The following LUZP2 variants were observed in gnomAD, a reference collection of about 807,000 sequenced individuals.
The protein encoded by LUZP2 is leucine zipper protein 2.
LUZP2 carries 52 observed loss-of-function variants against 51.6 expected under a neutral mutation model. The observed-to-expected ratio is 1.01, with a 90% confidence interval of 0.81 to 1.27. The LOEUF (loss-of-function observed/expected upper bound fraction) is 1.27. LUZP2 is among the 50% of genes most tolerant of loss of function. The pLI is 0.00. For missense variants in LUZP2, 436 were observed against 395.4 expected (o/e 1.10, Z -0.87); for synonymous variants, 154 against 137.3 (o/e 1.12, Z -0.85).
intron 1 of LUZP2, among the ~76,000 whole-genome samples, chr11:24,559,568 C>T (rs1851970341): frequency 6.6e-6 from 1 of 152,124 alleles, no homozygotes; most frequent in South Asian, 2.1e-4. Flanking sequence ...TTTTCCATGC[C>T]AAGTTACCTG....
At chr11:24,657,226 G>T (rs1428170513) in intron 1 of LUZP2, among the ~76,000 whole-genome samples, 5 of 152,154 alleles carry the variant, frequency 3.3e-5, no homozygotes, top group Admixed American at 3.3e-4. Context: ...TTATAGCAGT[G>T]CTTGAATTTA....
chr11:24,788,679 A>C (rs2134090098), intron 5 of LUZP2, among the ~76,000 whole-genome samples: 1 of 152,268 alleles, frequency 6.6e-6, no homozygotes, highest in Middle Eastern at 3.4e-3. Flanking sequence ...TATTTTCAAT[A>C]ATTGCTTCCT....
chr11:24,695,768 A>T lies in LUZP2; in HGVS notation c.63-33401A>T, dbSNP rs1013413034. Among the ~76,000 whole-genome samples, 18 of 152,166 alleles carry T rather than the reference A, an allele frequency of 1.2e-4. No homozygotes were observed. The South Asian group carries it at 1.2e-3, about 10-fold the overall frequency. ...TTCAACAAGAATACAATGATGTATGATTTTTAAATGCTAAAATACATAATA... is the reference window on the plus strand; with the variant it reads ...TTCAACAAGAATACAATGATGTATGTTTTTTAAATGCTAAAATACATAATA... On this transcript the variant is annotated intron_variant, in intron 1 of 11. Transcript: ENST00000336930.
chr11:24,547,549 C>T (rs192863660), intron 1 of LUZP2, among the ~76,000 whole-genome samples: 66 of 152,124 alleles, frequency 4.3e-4, no homozygotes, highest in African/African-American at 1.5e-3. Context: ...CTTCCTTTTA[C>T]CATATGTAAT....
intron 5 of LUZP2, among the ~76,000 whole-genome samples, chr11:24,784,919 T>C (rs1000978079): frequency 3.9e-5 from 6 of 152,066 alleles, no homozygotes; most frequent in Non-Finnish European, 8.8e-5. Flanking sequence ...AATACATACA[T>C]TTGCATATAT....
intron 1 of LUZP2, among the ~76,000 whole-genome samples, chr11:24,651,513 T>C (rs766009443): frequency 7.2e-5 from 11 of 152,110 alleles, no homozygotes; most frequent in Non-Finnish European, 1.6e-4. Flanking sequence ...AGCTGGATAA[T>C]TTGCATATGC....
chr11:25,043,976 GAT>G (rs1322776340), intron 9 of LUZP2, among the ~76,000 whole-genome samples: 1 of 134,074 alleles, frequency 7.5e-6, no homozygotes, highest in African/African-American at 3.0e-5. Context: ...ATATATATCT[GAT>G]ATATATAGTC....
chr11:24,817,744 G>T (rs1850227939), intron 5 of LUZP2, among the ~76,000 whole-genome samples: 1 of 152,000 alleles, frequency 6.6e-6, no homozygotes, highest in Non-Finnish European at 1.5e-5. Context: ...AGACATGACA[G>T]TCATGTCCAA....
chr11:24,687,217 C>T (rs943612346), intron 1 of LUZP2, among the ~76,000 whole-genome samples: 8 of 144,676 alleles, frequency 5.5e-5, no homozygotes, highest in Non-Finnish European at 1.2e-4. Flanking sequence ...ATAAAATGAT[C>T]ATTGATTTTT....
intron 5 of LUZP2, among the ~76,000 whole-genome samples, chr11:24,764,361 C>CA (rs1200381437): frequency 6.6e-6 from 1 of 151,316 alleles, no homozygotes; most frequent in East Asian, 1.9e-4. Context: ...GAAGTTCTTT[C>CA]AAAAAACCAC....
chr11:24,635,285 G>A (rs536482643), intron 1 of LUZP2, among the ~76,000 whole-genome samples: 1 of 151,434 alleles, frequency 6.6e-6, no homozygotes, highest in African/African-American at 2.4e-5. Context: ...ATTTGTATAG[G>A]AGCATTACCA....
At chr11:24,513,603 CAT>C (rs1221886439) in intron 1 of LUZP2, among the ~76,000 whole-genome samples, 1 of 152,094 alleles carries the variant, frequency 6.6e-6, no homozygotes, top group Non-Finnish European at 1.5e-5. Context: ...ATACGTGACT[CAT>C]ATGGTTTTTC....
intron 5 of LUZP2, among the ~76,000 whole-genome samples, chr11:24,830,955 C>G (rs936080660): frequency 2.6e-5 from 4 of 152,020 alleles, no homozygotes. Context: ...GATCCTGCCA[C>G]TGCACTCCAG....
At chr11:24,862,671 A>G (rs1188097121) in intron 5 of LUZP2, among the ~76,000 whole-genome samples, 1 of 152,216 alleles carries the variant, frequency 6.6e-6, no homozygotes, top group Non-Finnish European at 1.5e-5. Context: ...CATAGGCTCA[A>G]AATTATGGGA....
intron 9 of LUZP2, among the ~76,000 whole-genome samples, chr11:25,049,633 G>A (rs1023994161): frequency 6.6e-6 from 1 of 151,758 alleles, no homozygotes; most frequent in South Asian, 2.1e-4. Flanking sequence ...TCTTTCTATC[G>A]AGAAAATCAG....
At chr11:24,825,905 G>A (rs1181647226) in intron 5 of LUZP2, among the ~76,000 whole-genome samples, 1 of 151,722 alleles carries the variant, frequency 6.6e-6, no homozygotes, top group Non-Finnish European at 1.5e-5. Flanking sequence ...ATAAAAGTTG[G>A]CCGAGCGCGA....
intron 1 of LUZP2, among the ~76,000 whole-genome samples, chr11:24,662,773 G>A (rs1170574159): frequency 6.6e-6 from 1 of 151,966 alleles, no homozygotes; most frequent in African/African-American, 2.4e-5. Context: ...AAACAAAGTG[G>A]CTTCAGGAAA....
rs148120252 is a variant in LUZP2 at position 25,035,884 on chromosome 11, T to C, written c.766-14154T>C. 9.2e-5 allele frequency among the ~76,000 whole-genome samples: 14 copies of C among 152,206 alleles called. No homozygotes were observed. The East Asian group carries it at 2.7e-3, about 29-fold the overall frequency. On this transcript the variant is annotated intron_variant, in intron 9 of 11. Coordinates refer to ENST00000336930, the MANE Select transcript of LUZP2 (RefSeq NM_001009909.4). ...CTCAGTTTGCTAATATTTTGTTGAGTCTTTTTACATCTATGTTCATGAGGG... is the reference window on the plus strand; with the variant it reads ...CTCAGTTTGCTAATATTTTGTTGAGCCTTTTTACATCTATGTTCATGAGGG...
intron 1 of LUZP2, among the ~76,000 whole-genome samples, chr11:24,724,349 C>G (rs1446251578): frequency 1.3e-5 from 2 of 152,014 alleles, no homozygotes; most frequent in African/African-American, 2.4e-5. Flanking sequence ...GAGGGCAGAT[C>G]GATTGAGCTC....
Sources: allele counts gnomAD v4.1 joint callset (sites outside exome capture counted in the v4.1 genomes callset), GRCh38; gene constraint gnomAD v4.1.1; transcripts MANE v1.5; gene names NCBI Gene and HGNC (gene_info 2026-07-23, HGNC 2026-07-21).